DLGAP2: variants seen among roughly 807,000 people sequenced by gnomAD.
DLGAP2 encodes the protein DLG associated protein 2.
A neutral mutation model predicts 100.3 loss-of-function variants in DLGAP2; 26 were observed. The observed-to-expected ratio is 0.26, with a 90% CI of 0.19 to 0.36. The LOEUF (loss-of-function observed/expected upper bound fraction) is 0.36. DLGAP2 is among the 10% of genes least tolerant of loss of function. The pLI is 1.00. For missense variants in DLGAP2, 1,858 were observed against 1,453.2 expected, an observed-to-expected ratio of 1.28 and a Z score of -4.53; for synonymous variants, 886 against 630.1, an observed-to-expected ratio of 1.41 and a Z score of -6.08.
At chr8:1,274,620 T>C (rs1384860235) in intron 3 of DLGAP2, among the ~76,000 whole-genome samples, 1 of 151,580 alleles carries the variant, frequency 6.6e-6, no homozygotes. Flanking sequence ...TGAGTGACTT[T>C]GGATTTGTTT....
chr8:1,333,058 C>T (rs1019400506), intron 3 of DLGAP2, among the ~76,000 whole-genome samples: 5 of 152,146 alleles, frequency 3.3e-5, no homozygotes, highest in South Asian at 2.1e-4. Context: ...GTGTTGAAAG[C>T]GATGGTGTCT....
intron 3 of DLGAP2, among the ~76,000 whole-genome samples, chr8:1,373,077 G>C (rs780312738): frequency 5.3e-5 from 8 of 152,214 alleles, no homozygotes; most frequent in Non-Finnish European, 1.0e-4. Context: ...CGGAGGCTTC[G>C]CTGGTGAGTG....
rs13255435 is a variant in DLGAP2 at position 1,462,471 on chromosome 8, T to C, written c.107-38895T>C. Among the ~76,000 whole-genome samples the C allele has an allele frequency of 7.0e-4, 31 of 44,490 alleles. 4 individuals are homozygous for C. The highest frequency in any genetic ancestry group is 2.4e-3 in the South Asian group (2 of 826). The allele number at this position is 44,490 out of a possible 152,430, so 29.2% of individuals were successfully genotyped here. On this transcript the variant is annotated intron_variant, in intron 3 of 14. Transcript: ENST00000637795. The stretch of plus-strand genomic sequence containing the variant: ...TGGTGGCCAGGAGGAGGGAGAAGGG[T>C]GGCATTTGGGTTGGGAGAAGGTGCT...
At chr8:772,470 A>C (rs1253171359) in intron 1 of DLGAP2, among the ~76,000 whole-genome samples, 1 of 151,934 alleles carries the variant, frequency 6.6e-6, no homozygotes, top group East Asian at 1.9e-4. Flanking sequence ...CTACAGGCAC[A>C]CACCACCGTG....
chr8:1,303,535 G>C (rs4636234), intron 3 of DLGAP2, among the ~76,000 whole-genome samples: 120,159 of 152,176 alleles, frequency 0.79, 47,772 homozygotes, highest in African/African-American at 0.88. Context: ...TGTGCGCTGC[G>C]CTGGTCTTAT....
At chr8:971,268 A>G (rs370141342) in intron 2 of DLGAP2, among the ~76,000 whole-genome samples, 6 of 152,314 alleles carry the variant, frequency 3.9e-5, no homozygotes, top group East Asian at 3.9e-4. Flanking sequence ...CTAATAACCC[A>G]ACTGAAAAGT....
chr8:1,357,500 G>T (rs1266269637), intron 3 of DLGAP2, among the ~76,000 whole-genome samples: 1 of 151,664 alleles, frequency 6.6e-6, no homozygotes, highest in Non-Finnish European at 1.5e-5. Context: ...GCTGGTGAGT[G>T]AGAATATTAA....
intron 9 of DLGAP2, among the ~76,000 whole-genome samples, chr8:1,669,003 G>C (rs77553372): frequency 6.6e-6 from 1 of 152,238 alleles, no homozygotes; most frequent in Non-Finnish European, 1.5e-5. Flanking sequence ...AGAGTATGGA[G>C]ATAACACTGT....
intron 3 of DLGAP2, among the ~76,000 whole-genome samples, chr8:1,335,379 C>G (rs146915326): frequency 2.5e-4 from 38 of 152,268 alleles, no homozygotes; most frequent in East Asian, 2.1e-3. Context: ...CTAAGACAGT[C>G]CTGTTCACAC....
intron 3 of DLGAP2, among the ~76,000 whole-genome samples, chr8:1,271,869 C>T (rs1443953082): frequency 6.6e-6 from 1 of 152,178 alleles, no homozygotes. Flanking sequence ...GGCTGGAGTT[C>T]AGTGGTGCAA....
At chr8:1,537,011 G>A (rs1035164517) in intron 4 of DLGAP2, among the ~76,000 whole-genome samples, 4 of 151,978 alleles carry the variant, frequency 2.6e-5, no homozygotes, top group African/African-American at 7.2e-5. Flanking sequence ...ATGATTACGG[G>A]CCCTTCACAC....
chr8:1,051,299 T>A (rs1017739618), intron 2 of DLGAP2, among the ~76,000 whole-genome samples: 5 of 152,104 alleles, frequency 3.3e-5, no homozygotes, highest in African/African-American at 4.8e-5. Context: ...TCAGCAGCAC[T>A]CACCTGGGAG....
intron 1 of DLGAP2, among the ~76,000 whole-genome samples, chr8:856,185 C>CTTTTT (rs71223338): frequency 7.7e-6 from 1 of 130,558 alleles, no homozygotes; most frequent in African/African-American, 2.8e-5. Flanking sequence ...TCTTCTTCTT[C>CTTTTT]TTTTTTTTTT....
At chr8:1,277,923 G>T (rs147878924) in intron 3 of DLGAP2, among the ~76,000 whole-genome samples, 3,683 of 152,302 alleles carry the variant, frequency 0.024, 41 homozygotes, top group African/African-American at 0.031. Flanking sequence ...TGAATCTCTG[G>T]TAATTTAACA....
intron 4 of DLGAP2, among the ~76,000 whole-genome samples, chr8:1,519,981 G>T (rs532034997): frequency 6.6e-6 from 1 of 152,198 alleles, no homozygotes. Context: ...GGAGGAGGAG[G>T]AGCTCCCAGC....
chr8:1,386,118 A>T (rs1025227234), intron 3 of DLGAP2, among the ~76,000 whole-genome samples: 4 of 152,260 alleles, frequency 2.6e-5, no homozygotes, highest in Non-Finnish European at 4.4e-5. Flanking sequence ...TGACAAAATA[A>T]TGGAAAATAA....
chr8:944,414 T>C (rs1799266653), intron 2 of DLGAP2, among the ~76,000 whole-genome samples: 1 of 150,546 alleles, frequency 6.6e-6, no homozygotes, highest in Non-Finnish European at 1.5e-5. Flanking sequence ...CAGGTGGTAA[T>C]TGATCCCTGT....
At chr8:1,587,735 T>C (rs962107937) in intron 6 of DLGAP2, among the ~76,000 whole-genome samples, 2 of 152,228 alleles carry the variant, frequency 1.3e-5, no homozygotes, top group African/African-American at 4.8e-5. Context: ...CTTTTTCAAA[T>C]TTTTATAATG....
chr8:905,834 C>T (rs1304294927), intron 1 of DLGAP2, among the ~76,000 whole-genome samples: 5 of 135,702 alleles, frequency 3.7e-5, no homozygotes, highest in African/African-American at 1.3e-4. Context: ...GTCCTACTGA[C>T]CTCACATGCA....
Sources: gnomAD v4.1 joint callset for allele counts (sites outside exome capture counted in the v4.1 genomes callset) on GRCh38, gnomAD v4.1.1 for gene constraint, MANE v1.5 for transcripts, NCBI Gene and HGNC (gene_info 2026-07-23, HGNC 2026-07-21) for gene names.